Variants in KSR2 observed in about 807,000 individuals in gnomAD.
KSR2 encodes the protein kinase suppressor of ras 2.
A neutral mutation model predicts 107.8 loss-of-function variants in KSR2; 25 were observed. The ratio of observed to expected loss-of-function variants is 0.23; its 90% CI spans 0.17 to 0.32. The LOEUF (loss-of-function observed/expected upper bound fraction) is 0.32, where lower values mean the gene tolerates loss of function less well. KSR2 is among the 10% of genes least tolerant of loss of function. The pLI is 1.00. For missense variants in KSR2, 887 were observed against 1,268.9 expected (o/e 0.70, Z 4.57); for synonymous variants, 480 against 507.0 (o/e 0.95, Z 0.71).
intron 4 of KSR2, among the ~76,000 whole-genome samples, chr12:117,717,223 T>G (rs1399634696): frequency 6.6e-6 from 1 of 152,168 alleles, no homozygotes; most frequent in Non-Finnish European, 1.5e-5. Context: ...CCAGCTGCAC[T>G]TTTTAGAGAG....
intron 14 of KSR2, among the ~76,000 whole-genome samples, chr12:117,490,481 T>A (rs1323213564): frequency 1.3e-5 from 2 of 152,226 alleles, no homozygotes; most frequent in African/African-American, 4.8e-5. Context: ...ATCTCTAAAA[T>A]CAGAATGTGT....
chr12:117,824,911 G>C (rs1347860120), intron 3 of KSR2, among the ~76,000 whole-genome samples: 1 of 151,482 alleles, frequency 6.6e-6, no homozygotes, highest in African/African-American at 2.4e-5. Context: ...TGGGAGCAGT[G>C]GCTCATGGCT....
intron 14 of KSR2, among the ~76,000 whole-genome samples, chr12:117,511,194 A>T (rs969101007): frequency 7.9e-5 from 12 of 152,254 alleles, no homozygotes; most frequent in African/African-American, 2.2e-4. Flanking sequence ...TCTTTTGGTG[A>T]CCACTCGGCT....
intron 5 of KSR2, among the ~76,000 whole-genome samples, chr12:117,639,936 C>G (rs1380390998): frequency 6.6e-6 from 1 of 152,116 alleles, no homozygotes; most frequent in Non-Finnish European, 1.5e-5. Flanking sequence ...TTAGAAGCCA[C>G]TCTGTCATGC....
In KSR2 at chr12:117,907,460, G is replaced by T. The variant is rs796851633; in HGVS notation, c.181-47029C>A. 5.3e-5 allele frequency among the ~76,000 whole-genome samples: 8 copies of T among 152,248 alleles called. No homozygotes were observed. Among genetic ancestry groups the T allele is most frequent in the African/African-American group, 1.9e-4 (8 of 41,550 alleles). ...AGGTGAGATCTGGTTTCTAGGTGAA[G>T]GCACAACAGCTGCACCCCTCTCCCA... On this transcript the variant is annotated intron_variant, in intron 1 of 19. Transcript: ENST00000339824. The surrounding 1 kb of genome is among the most constrained non-coding windows in gnomAD (Gnocchi z 4.3).
At chr12:117,570,437 G>T (rs1878811456) in intron 7 of KSR2, among the ~76,000 whole-genome samples, 1 of 152,156 alleles carries the variant, frequency 6.6e-6, no homozygotes, top group Non-Finnish European at 1.5e-5. Context: ...AATGCCAATA[G>T]TGCCAAGGTT....
intron 5 of KSR2, among the ~76,000 whole-genome samples, chr12:117,615,173 A>G (rs918157343): frequency 2.0e-5 from 3 of 151,452 alleles, no homozygotes; most frequent in African/African-American, 7.3e-5. Flanking sequence ...GGTAAGACAC[A>G]CTCAGAGTCC....
intron 14 of KSR2, among the ~76,000 whole-genome samples, chr12:117,491,692 G>A (rs11068512): frequency 0.098 from 14,844 of 152,196 alleles, 1,251 homozygotes; most frequent in African/African-American, 0.23. Flanking sequence ...ACAATGAACC[G>A]GGGGAGCACA....
chr12:117,781,290 T>C (rs1889877078), intron 3 of KSR2, among the ~76,000 whole-genome samples: 1 of 152,214 alleles, frequency 6.6e-6, no homozygotes, highest in Non-Finnish European at 1.5e-5. Flanking sequence ...CAGGTATGTC[T>C]TTATTAGCAG....
intron 5 of KSR2, 96 bp downstream of exon 5, chr12:117,667,376 GAA>G: frequency 1.7e-6 from 2 of 1,163,784 alleles, no homozygotes; most frequent in Non-Finnish European, 2.5e-6. Context: ...TTGAGATAAA[GAA>G]GAGAGAGTTT....
At position 117,757,520 on chromosome 12, in the gene KSR2, A is replaced by C. The variant is rs1197880331; in HGVS notation, c.986+3491T>G. Among the ~76,000 whole-genome samples the C allele has an allele frequency of 3.3e-5, 5 of 152,238 alleles. No individual in the cohort carries two copies. In the East Asian group the frequency reaches 9.6e-4, roughly 29 times the overall value. Reference sequence around the variant, plus strand: ...GAAAGAAGTTCTACTAGGCTATCAAACGGCATCACATGCTACAGAGAATTT... The same window carrying C: ...GAAAGAAGTTCTACTAGGCTATCAACCGGCATCACATGCTACAGAGAATTT... On this transcript the variant is annotated intron_variant, in intron 4 of 19. Coordinates refer to ENST00000339824, the MANE Select transcript of KSR2 (RefSeq NM_173598.6).
intron 1 of KSR2, among the ~76,000 whole-genome samples, chr12:117,956,983 T>C (rs1896536646): frequency 6.6e-6 from 1 of 152,212 alleles, no homozygotes; most frequent in Non-Finnish European, 1.5e-5. Flanking sequence ...CAGTCCTCTA[T>C]TTCTCTCAAA....
intron 5 of KSR2, among the ~76,000 whole-genome samples, chr12:117,644,069 G>C (rs1290015303): frequency 6.6e-6 from 1 of 152,180 alleles, no homozygotes; most frequent in Admixed American, 6.5e-5. Context: ...TGTGTATGTA[G>C]TTCTTGCCTG....
chr12:117,790,885 C>T (rs1317027577), intron 3 of KSR2, among the ~76,000 whole-genome samples: 1 of 152,168 alleles, frequency 6.6e-6, no homozygotes, highest in Non-Finnish European at 1.5e-5. Flanking sequence ...ACCCTCACCT[C>T]ACACCTGGAC....
intron 4 of KSR2, among the ~76,000 whole-genome samples, chr12:117,750,051 C>T (rs932991840): frequency 2.0e-5 from 3 of 151,982 alleles, no homozygotes; most frequent in Non-Finnish European, 4.4e-5. Flanking sequence ...AGTTCGAGAC[C>T]AGCCTGGCCA....
chr12:117,692,944 G>T (rs1359157665), intron 4 of KSR2, among the ~76,000 whole-genome samples: 2 of 152,160 alleles, frequency 1.3e-5, no homozygotes. Flanking sequence ...GCTTCCTTTT[G>T]GGATGATGAA....
intron 1 of KSR2, among the ~76,000 whole-genome samples, chr12:117,906,221 T>G (rs1382769274): frequency 6.6e-6 from 1 of 151,410 alleles, no homozygotes; most frequent in Non-Finnish European, 1.5e-5. Context: ...GGCATGGTGG[T>G]GGGCACCTGT....
chr12:117,667,811 G>A (rs574459320), intron 4 of KSR2, among the ~76,000 whole-genome samples, 153 bp from the exon 5 acceptor site: 1 of 152,176 alleles, frequency 6.6e-6, no homozygotes, highest in South Asian at 2.1e-4. Flanking sequence ...GAGACACAAG[G>A]GCTGGGCAAA....
chr12:117,532,216 TGGA>T (rs1875694897), intron 10 of KSR2, among the ~76,000 whole-genome samples: 1 of 152,254 alleles, frequency 6.6e-6, no homozygotes, highest in Non-Finnish European at 1.5e-5. Context: ...CCTACAGTTC[TGGA>T]GGACAAAAGT....
Sources: allele counts gnomAD v4.1 joint callset (sites outside exome capture counted in the v4.1 genomes callset), GRCh38; gene constraint gnomAD v4.1.1; non-coding constraint Gnocchi (gnomAD v3.1); transcripts MANE v1.5; gene names NCBI Gene and HGNC (gene_info 2026-07-23, HGNC 2026-07-21).